PLCB1: variants seen among roughly 807,000 people sequenced by gnomAD.
PLCB1 encodes 1-phosphatidylinositol 4,5-bisphosphate phosphodiesterase beta-1.
Under a neutral mutation model 161.8 loss-of-function variants are expected in PLCB1, and 46 were observed. That is an observed-to-expected ratio of 0.28 (90% CI 0.22 to 0.36). The LOEUF (loss-of-function observed/expected upper bound fraction) is 0.36, where lower values mean the gene tolerates loss of function less well. Among genes scored for constraint, PLCB1 ranks in the 10% least tolerant of loss-of-function variants. The pLI is 1.00. For missense variants in PLCB1, 1,016 were observed against 1,472.5 expected (o/e 0.69, Z 5.07); for synonymous variants, 517 against 503.7 (o/e 1.03, Z -0.35).
At chr20:8,540,153 A>ACAG (rs1600139172) in intron 3 of PLCB1, among the ~76,000 whole-genome samples, 2 of 152,094 alleles carry the variant, frequency 1.3e-5, no homozygotes, top group African/African-American at 4.8e-5. Flanking sequence ...TAAAGAAAAA[A>ACAG]GAAAGTTTGC....
At chr20:8,551,418 C>T (rs1472199417) in intron 3 of PLCB1, among the ~76,000 whole-genome samples, 1 of 152,084 alleles carries the variant, frequency 6.6e-6, no homozygotes, top group Non-Finnish European at 1.5e-5. Flanking sequence ...TATGAATGTA[C>T]CCTCAGCTTT....
intron 31 of PLCB1, among the ~76,000 whole-genome samples, chr20:8,822,552 A>G (rs1985485349): frequency 1.3e-5 from 2 of 152,200 alleles, no homozygotes; most frequent in Non-Finnish European, 2.9e-5. Flanking sequence ...TGTGGAGATT[A>G]AAGGATGAGA....
chr20:8,788,472 C>G lies in PLCB1; in HGVS notation c.3135C>G (p.Val1045=). ...AGCTTATTCAAAAGTTGACGGATGT[C>G]GCAGAAGAGTGTCAGAACAATCAGT... ...IKLLIQKLTD[V]AEECQNNQLK... The change falls in exon 28 of 32, where the codon GTC becomes GTG. Residue 1045 remains valine, a synonymous_variant. Coordinates refer to ENST00000338037, the MANE Select transcript of PLCB1 (RefSeq NM_015192.4). 6.2e-7 allele frequency: 1 copy of G among 1,613,566 alleles called. No homozygotes were observed. Among genetic ancestry groups the G allele is most frequent in the Non-Finnish European group, 8.5e-7 (1 of 1,179,834 alleles).
At chr20:8,140,234 G>A (rs2123011323) in intron 1 of PLCB1, among the ~76,000 whole-genome samples, 1 of 152,300 alleles carries the variant, frequency 6.6e-6, no homozygotes, top group Admixed American at 6.5e-5. Context: ...TTCATGGAGA[G>A]CCAACCTAAA....
At chr20:8,466,493 A>G (rs192657142) in intron 3 of PLCB1, among the ~76,000 whole-genome samples, 217 of 152,230 alleles carry the variant, frequency 1.4e-3, no homozygotes, top group Admixed American at 3.4e-3. Flanking sequence ...AAAAAAACAA[A>G]AGAGCTGTAC....
intron 3 of PLCB1, among the ~76,000 whole-genome samples, chr20:8,430,968 A>C (rs145885458): frequency 6.6e-6 from 1 of 152,258 alleles, no homozygotes; most frequent in African/African-American, 2.4e-5. Flanking sequence ...CAAAAAAAAG[A>C]AGAAAAAGGA....
chr20:8,483,040 C>T (rs1250280026), intron 3 of PLCB1, among the ~76,000 whole-genome samples: 1 of 151,806 alleles, frequency 6.6e-6, no homozygotes, highest in African/African-American at 2.4e-5. Flanking sequence ...TTCTCTCGAT[C>T]GATGGAAATA....
At chr20:8,236,974 G>T (rs1454206101) in intron 2 of PLCB1, among the ~76,000 whole-genome samples, 1 of 151,978 alleles carries the variant, frequency 6.6e-6, no homozygotes, top group East Asian at 1.9e-4. Context: ...AAGTTCCAGT[G>T]GTTGACAGTG....
chr20:8,276,602 A>G (rs748411564), intron 2 of PLCB1, among the ~76,000 whole-genome samples: 6 of 152,166 alleles, frequency 3.9e-5, no homozygotes, highest in Non-Finnish European at 7.4e-5. Context: ...AGATTTTTGC[A>G]TAATATTTAA....
chr20:8,510,562 T>G (rs967611035), intron 3 of PLCB1, among the ~76,000 whole-genome samples: 1 of 151,974 alleles, frequency 6.6e-6, no homozygotes, highest in Admixed American at 6.6e-5. Flanking sequence ...ATTTTTTTTT[T>G]GTATTTTTAG....
intron 3 of PLCB1, among the ~76,000 whole-genome samples, chr20:8,584,064 T>G (rs1986912823): frequency 6.6e-6 from 1 of 152,216 alleles, no homozygotes; most frequent in Non-Finnish European, 1.5e-5. Flanking sequence ...TATTGGTTTC[T>G]GTCTGCATTT....
At chr20:8,166,691 A>G (rs535760067) in intron 2 of PLCB1, among the ~76,000 whole-genome samples, 3 of 152,090 alleles carry the variant, frequency 2.0e-5, no homozygotes, top group Non-Finnish European at 2.9e-5. Flanking sequence ...ACAGAGTGGC[A>G]CAGTCCTGAA....
chr20:8,232,395 A>G (rs892216777), intron 2 of PLCB1, among the ~76,000 whole-genome samples: 2 of 152,200 alleles, frequency 1.3e-5, no homozygotes, highest in African/African-American at 4.8e-5. Flanking sequence ...AAATTATAAG[A>G]CAGTGATATT....
chr20:8,669,387 C>G (rs896473607), intron 9 of PLCB1, among the ~76,000 whole-genome samples: 4 of 152,128 alleles, frequency 2.6e-5, no homozygotes, highest in African/African-American at 4.8e-5. Flanking sequence ...TATTATTATT[C>G]CCATTTTACA....
chr20:8,281,544 G>T (rs531507944), intron 2 of PLCB1, among the ~76,000 whole-genome samples: 1 of 151,890 alleles, frequency 6.6e-6, no homozygotes, highest in Non-Finnish European at 1.5e-5. Context: ...AAAGAACAAC[G>T]ATCTATATAA....
At chr20:8,464,848 A>G (rs1478615461) in intron 3 of PLCB1, among the ~76,000 whole-genome samples, 1 of 144,018 alleles carries the variant, frequency 6.9e-6, no homozygotes, top group East Asian at 2.0e-4. Flanking sequence ...TCCCTGCCCC[A>G]CATCCACCCA....
At chr20:8,671,110 T>A (rs1989931860) in intron 9 of PLCB1, among the ~76,000 whole-genome samples, 1 of 152,204 alleles carries the variant, frequency 6.6e-6, no homozygotes, top group Non-Finnish European at 1.5e-5. Context: ...TTTGGCACAG[T>A]AGAAGGAGGC....
chr20:8,771,034 AC>A (rs1982650618), intron 26 of PLCB1, among the ~76,000 whole-genome samples: 1 of 152,192 alleles, frequency 6.6e-6, no homozygotes, highest in African/African-American at 2.4e-5. Flanking sequence ...GAAACAACAC[AC>A]ATGCGTAGAC....
At chr20:8,514,076 GA>G (rs1316276769) in intron 3 of PLCB1, among the ~76,000 whole-genome samples, 1 of 150,530 alleles carries the variant, frequency 6.6e-6, no homozygotes. Context: ...TCATTAAGAA[GA>G]AAAAAGATGT....
Sources: allele counts gnomAD v4.1 joint callset (sites outside exome capture counted in the v4.1 genomes callset), GRCh38; gene constraint gnomAD v4.1.1; transcripts MANE v1.5; gene names NCBI Gene and HGNC (gene_info 2026-07-23, HGNC 2026-07-21).